ICA1L: variants seen among roughly 807,000 people sequenced by gnomAD.
ICA1L encodes islet cell autoantigen 1-like protein.
ICA1L carries 50 observed loss-of-function variants against 61.3 expected under a neutral mutation model. The observed-to-expected ratio is 0.82, with a 90% CI of 0.65 to 1.03. The LOEUF (loss-of-function observed/expected upper bound fraction) is 1.03, where lower values mean the gene tolerates loss of function less well. Ranked by LOEUF, ICA1L falls within the 50% of genes least tolerant of loss-of-function variation. The pLI is 0.00. For missense variants in ICA1L, 508 were observed against 556.7 expected, an observed-to-expected ratio of 0.91 and a Z score of 0.88; for synonymous variants, 161 against 191.3, an observed-to-expected ratio of 0.84 and a Z score of 1.31.
At chr2:202,865,268 A>G (rs1047811578) in intron 1 of ICA1L, among the ~76,000 whole-genome samples, 2 of 152,008 alleles carry the variant, frequency 1.3e-5, no homozygotes, top group Non-Finnish European at 2.9e-5. Flanking sequence ...CAGGGGTTCA[A>G]GAGCAGCCTA....
chr2:202,797,662 C>T (rs921794174), intron 9 of ICA1L, among the ~76,000 whole-genome samples: 1 of 152,138 alleles, frequency 6.6e-6, no homozygotes, highest in East Asian at 1.9e-4. Context: ...GCTGGGATTA[C>T]AGGCATGCGC....
chr2:202,817,529 C>G lies in ICA1L; in HGVS notation c.573G>C (p.Val191=). Residue 191 remains valine, a synonymous_variant, in exon 6 of 13, where the codon GTG becomes GTC. Transcript: ENST00000358299. ...MEKFRKVQMQ[V]RNSKASFDKL... ...TGTCAAAAGAAGCTTTGCTATTTCT[C>G]ACTTGCATCTGTACCTGCAATAAAA... 6.2e-7 allele frequency: 1 copy of G among 1,607,246 alleles called. No homozygotes were observed. The highest frequency in any genetic ancestry group is 8.5e-7 in the Non-Finnish European group (1 of 1,175,502).
At chr2:202,837,973 C>A (rs1694202092) in intron 1 of ICA1L, among the ~76,000 whole-genome samples, 2 of 152,098 alleles carry the variant, frequency 1.3e-5, no homozygotes, top group East Asian at 1.9e-4. Flanking sequence ...CCTGTCTCAG[C>A]CTCCCAAGGA....
intron 1 of ICA1L, among the ~76,000 whole-genome samples, chr2:202,834,899 T>G (rs1015225184): frequency 2.0e-5 from 3 of 152,094 alleles, no homozygotes; most frequent in Non-Finnish European, 4.4e-5. Flanking sequence ...GGCACAATCA[T>G]AGCTCACTGC....
At chr2:202,780,928 C>T (rs1692383043) in intron 12 of ICA1L, among the ~76,000 whole-genome samples, 1 of 152,100 alleles carries the variant, frequency 6.6e-6, no homozygotes, top group Non-Finnish European at 1.5e-5. Context: ...ATCATGATAT[C>T]AGGATACATG....
At chr2:202,794,198 T>G (rs1692845488) in intron 10 of ICA1L, among the ~76,000 whole-genome samples, 1 of 150,680 alleles carries the variant, frequency 6.6e-6, no homozygotes, top group Non-Finnish European at 1.5e-5. Flanking sequence ...CAACAACTAT[T>G]AGCCAGGTGT....
intron 9 of ICA1L, among the ~76,000 whole-genome samples, chr2:202,805,003 G>A (rs1693186685): frequency 6.6e-6 from 1 of 152,126 alleles, no homozygotes; most frequent in Non-Finnish European, 1.5e-5. Context: ...CAAAATGTAT[G>A]GACCTTCATA....
At chr2:202,809,235 G>C (rs1693307835) in intron 9 of ICA1L, among the ~76,000 whole-genome samples, 1 of 151,860 alleles carries the variant, frequency 6.6e-6, no homozygotes, top group Non-Finnish European at 1.5e-5. Flanking sequence ...TTCCAGAGTT[G>C]AAAAATTCAA....
chr2:202,806,547 G>A (rs1009165495), intron 9 of ICA1L, among the ~76,000 whole-genome samples: 1 of 151,860 alleles, frequency 6.6e-6, no homozygotes, highest in South Asian at 2.1e-4. Flanking sequence ...TCGGGAGGCT[G>A]AGGTGGGAGG....
At chr2:202,789,175 T>C in intron 10 of ICA1L, 88 bp from the exon 11 acceptor site, 1 of 1,080,426 alleles carries the variant, frequency 9.3e-7, no homozygotes, top group Non-Finnish European at 1.4e-6. Flanking sequence ...TGTTTCATTG[T>C]TTTCATACTG....
rs771696982 is a variant in ICA1L, at chr2:202,789,051, TCTC to T, written c.1019_1021del (p.Gly340del). On this transcript the variant is annotated inframe_deletion, in exon 11 of 13. Coordinates refer to ENST00000358299, the MANE Select transcript of ICA1L (RefSeq NM_001288622.3). The stretch of plus-strand genomic sequence containing the variant: ...AAATGAGAATTCCTTCTCAAAATCT[TCTC>T]CTTCCAATGAATCTACAGGTAGATC... 5.6e-6 allele frequency: 9 copies of T among 1,612,738 alleles called. No individual in the cohort carries two copies. The highest frequency in any genetic ancestry group is 1.7e-5 in the Admixed American group (1 of 59,854).
chr2:202,799,704 G>A (rs1301286332), intron 9 of ICA1L, among the ~76,000 whole-genome samples: 1 of 151,972 alleles, frequency 6.6e-6, no homozygotes, highest in Non-Finnish European at 1.5e-5. Flanking sequence ...AAACATCCAG[G>A]AGCATTTTCC....
At chr2:202,843,063 T>C (rs1694373813) in intron 1 of ICA1L, among the ~76,000 whole-genome samples, 1 of 152,272 alleles carries the variant, frequency 6.6e-6, no homozygotes, top group South Asian at 2.1e-4. Flanking sequence ...TGTTTCTCTG[T>C]ATTTTTCTTT....
Position 202,825,773 on chromosome 2 carries a change from G to A in ICA1L, c.163-6C>T. ...TCTTGAACAGAGTGAAAAACCTTGAGATATAAATTTTATTAGGACAATTTA... is the reference window on the plus strand; with the variant it reads ...TCTTGAACAGAGTGAAAAACCTTGAAATATAAATTTTATTAGGACAATTTA... On this transcript the variant is annotated splice_region_variant and splice_polypyrimidine_tract_variant and intron_variant, in intron 2 of 12. Coordinates refer to ENST00000358299, the MANE Select transcript of ICA1L (RefSeq NM_001288622.3). 1 of 1,529,582 alleles carries A rather than the reference G, an allele frequency of 6.5e-7. No homozygotes were observed. The highest frequency in any genetic ancestry group is 2.3e-5 in the East Asian group (1 of 42,776). The allele number at this position is 1,529,582 out of a possible 1,614,324, so 94.8% of individuals were successfully genotyped here.
intron 1 of ICA1L, among the ~76,000 whole-genome samples, chr2:202,846,313 T>A (rs1694463302): frequency 6.6e-6 from 1 of 151,936 alleles, no homozygotes. Context: ...AGCAGTGCCA[T>A]TATGCTCTGA....
Position 202,849,320 on chromosome 2 carries a change from A to G in ICA1L, c.-7-20304T>C, listed in dbSNP as rs2105879202. Among the ~76,000 whole-genome samples the G allele has an allele frequency of 6.6e-6, 1 of 152,268 alleles. No individual in the cohort carries two copies. The highest frequency in any genetic ancestry group is 2.1e-4 in the South Asian group (1 of 4,824). ...CCTGGAAAGGGGGCTGAGGCCAGGG[A>G]GCCAAGTGGTCTCGCTCAGTGGGTC... On this transcript the variant is annotated intron_variant, in intron 1 of 12. Coordinates refer to ENST00000358299, the MANE Select transcript of ICA1L (RefSeq NM_001288622.3). The surrounding 1 kb of genome is among the most constrained non-coding windows in gnomAD (Gnocchi z 4.5).
chr2:202,852,252 G>C (rs868300783), intron 1 of ICA1L, among the ~76,000 whole-genome samples: 19 of 152,120 alleles, frequency 1.2e-4, no homozygotes, highest in African/African-American at 4.6e-4. Context: ...ACAATCCTTT[G>C]GGTATATACC....
chr2:202,869,672 T>C (rs1024230503), intron 1 of ICA1L: 4 of 152,164 alleles, frequency 2.6e-5, no homozygotes, highest in African/African-American at 9.7e-5. Context: ...AGATATTGTG[T>C]TACTTTAGTC....
Position 202,773,910 on chromosome 2 carries a change from G to A in ICA1L, c.*5623C>T, listed in dbSNP as rs1692133179. On this transcript the variant is annotated 3_prime_UTR_variant, in exon 13 of 13. Transcript: ENST00000358299. ...TAAATAAACCAGTGGAATAAGAACA[G>A]TCAACGTAGAAAGAGACAGAAAGAT... is the stretch of plus-strand genomic sequence containing the variant. 1 of 1,240,556 alleles carries A rather than the reference G, an allele frequency of 8.1e-7. No individual in the cohort carries two copies. Among genetic ancestry groups the A allele is most frequent in the South Asian group, 1.2e-5 (1 of 80,458 alleles). The allele number at this position is 1,240,556 out of a possible 1,614,324, so 76.8% of individuals were successfully genotyped here.
Sources: allele counts gnomAD v4.1 joint callset (sites outside exome capture counted in the v4.1 genomes callset), GRCh38; gene constraint gnomAD v4.1.1; non-coding constraint Gnocchi (gnomAD v3.1); transcripts MANE v1.5; gene names NCBI Gene and HGNC (gene_info 2026-07-23, HGNC 2026-07-21).